DIXDC1: variants seen among roughly 807,000 people sequenced by gnomAD.
The protein encoded by DIXDC1 is dixin.
In DIXDC1, 64 loss-of-function variants were observed where a neutral mutation model predicts 103.1. The observed-to-expected ratio is 0.62, with a 90% CI of 0.51 to 0.76. The LOEUF is 0.76. DIXDC1 is among the 30% of genes least tolerant of loss of function. DIXDC1 has a pLI of 0.00. For missense variants in DIXDC1, 759 were observed against 834.2 expected (o/e 0.91, Z 1.11); for synonymous variants, 266 against 298.5 (o/e 0.89, Z 1.12).
At chr11:111,995,314 T>C in intron 15 of DIXDC1, 89 bp from the exon 16 acceptor site, 1 of 1,537,982 alleles carries the variant, frequency 6.5e-7, no homozygotes. Context: ...GGAAAAATCT[T>C]CTGGAAACTT....
chr11:111,981,789 A>G (rs1335142359), intron 6 of DIXDC1, among the ~76,000 whole-genome samples: 1 of 152,256 alleles, frequency 6.6e-6, no homozygotes, highest in Non-Finnish European at 1.5e-5. Flanking sequence ...CAGAGCAAAG[A>G]GACCTTAAAG....
intron 12 of DIXDC1, 68 bp downstream of exon 12, chr11:111,993,072 C>G: frequency 6.8e-7 from 1 of 1,479,170 alleles, no homozygotes; most frequent in South Asian, 1.3e-5. Context: ...TATTGTTGCT[C>G]AAAAAGCACT....
In DIXDC1 at chr11:111,976,474, T is replaced by G. The variant is rs1307192001; in HGVS notation, c.656+1491T>G. ...TCACTACTGGATTTTGACATTTTCTTCTAATGCTGACCCCTCATCCAGCTC... is the reference window on the plus strand; with the variant it reads ...TCACTACTGGATTTTGACATTTTCTGCTAATGCTGACCCCTCATCCAGCTC... On this transcript the variant is annotated intron_variant, in intron 5 of 19. Coordinates refer to ENST00000440460, the MANE Select transcript of DIXDC1 (RefSeq NM_001037954.4). This position sits in a 1 kb window ranked among gnomAD's most constrained non-coding sequence, Gnocchi z 4.3. 6.6e-6 allele frequency among the ~76,000 whole-genome samples: 1 copy of G among 152,174 alleles called. No individual in the cohort carries two copies. The highest frequency in any genetic ancestry group is 1.5e-5 in the Non-Finnish European group (1 of 68,016).
chr11:111,989,033 C>G lies in DIXDC1; in HGVS notation c.1091C>G (p.Ala364Gly). The G allele has an allele frequency of 1.2e-6, 2 of 1,610,638 alleles. No individual in the cohort carries two copies. Among genetic ancestry groups the G allele is most frequent in the Non-Finnish European group, 8.5e-7 (1 of 1,178,626 alleles). The change falls in exon 10 of 20, where the codon GCC becomes GGC. Residue 364 changes from alanine to glycine, a missense_variant. Physicochemically the swap from Ala to Gly is moderately conservative, Grantham distance 60 (BLOSUM62 0). Coordinates refer to ENST00000440460, the MANE Select transcript of DIXDC1 (RefSeq NM_001037954.4). ...GAACTGCTGAAATGTAAACAAGAAG[C>G]CAGAAACTTACAGGGGATAAAGGTA... ...KKELLKCKQE[A>G]RNLQGIKDAL... is the part of the protein sequence containing the mutation.
Position 112,016,743 on chromosome 11 carries a change from G to A in DIXDC1, c.1809G>A (p.Val603=), listed in dbSNP as rs935620212. 2 of 1,609,340 alleles carry A rather than the reference G, an allele frequency of 1.2e-6. No individual in the cohort carries two copies. Among genetic ancestry groups the A allele is most frequent in the Non-Finnish European group, 1.7e-6 (2 of 1,177,594 alleles). ...CTGTCAGCAGCACCTGTACTAAAGT[G>A]CTCTATTTCACTGACCGGTCACTTA... is the stretch of plus-strand genomic sequence containing the variant. ...SPTVSSTCTK[V]LYFTDRSLTP... Residue 603 remains valine, a synonymous_variant, in exon 18 of 20, where the codon GTG becomes GTA. Coordinates refer to ENST00000440460, the MANE Select transcript of DIXDC1 (RefSeq NM_001037954.4).
chr11:111,949,241 G>A (rs1401397330), intron 1 of DIXDC1, among the ~76,000 whole-genome samples: 1 of 151,954 alleles, frequency 6.6e-6, no homozygotes, highest in Non-Finnish European at 1.5e-5. Context: ...CAGCTCTTGG[G>A]CTCTAGACCT....
chr11:111,936,380 G>T (rs1231804918), upstream of DIXDC1, among the ~76,000 whole-genome samples: 1 of 152,196 alleles, frequency 6.6e-6, no homozygotes, highest in Non-Finnish European at 1.5e-5. Context: ...GCCTAGAATA[G>T]CTTTCTGTTT....
rs1860343477 is a variant in DIXDC1 at position 111,982,485 on chromosome 11, C to T, written c.916C>T (p.Gln306Ter). 1 of 1,612,862 alleles carries T rather than the reference C, an allele frequency of 6.2e-7. No homozygotes were observed. The highest frequency in any genetic ancestry group is 8.5e-7 in the Non-Finnish European group (1 of 1,179,408). The change falls in exon 7 of 20, where the codon CAG (glutamine) becomes TAG (stop). Residue 306 changes from glutamine to a stop codon, truncating the protein, a stop_gained and splice_region_variant. Coordinates refer to ENST00000440460, the MANE Select transcript of DIXDC1 (RefSeq NM_001037954.4). LOFTEE classifies it high-confidence loss of function. ...EEAKKMISGL[Q>*]ALLLNGSLPE... ...AGCAAAGAAAATGATATCAGGACTA[C>T]AGGTAGCTCTCTCCCTTGTAGTTTG... is the stretch of plus-strand genomic sequence containing the variant.
At chr11:111,990,761 C>T (rs1367517439) in intron 10 of DIXDC1, among the ~76,000 whole-genome samples, 1 of 152,074 alleles carries the variant, frequency 6.6e-6, no homozygotes, top group African/African-American at 2.4e-5. Flanking sequence ...AGCTGGAGTG[C>T]AATGGTATGA....
In DIXDC1 at chr11:111,977,652, G is replaced by T. The variant is rs1031706560; in HGVS notation, c.656+2669G>T. The T allele has an allele frequency of 9.2e-5, 142 of 1,546,548 alleles. No homozygotes were observed. Among genetic ancestry groups the T allele is most frequent in the Non-Finnish European group, 1.2e-4 (139 of 1,144,944 alleles). On this transcript the variant is annotated intron_variant, in intron 5 of 19. Coordinates refer to ENST00000440460, the MANE Select transcript of DIXDC1 (RefSeq NM_001037954.4). The surrounding 1 kb of genome is among the most constrained non-coding windows in gnomAD (Gnocchi z 6.1). ...TAGCTTTGCTAGCTGGCCTTCCCGT[G>T]GAGGCGTTTTCCAGCCCCAGCGCGG...
Position 111,998,721 on chromosome 11 carries a change from A to G in DIXDC1, c.1756+2575A>G, listed in dbSNP as rs1255426650. 6.6e-6 allele frequency among the ~76,000 whole-genome samples: 1 copy of G among 152,044 alleles called. No homozygotes were observed. The highest frequency in any genetic ancestry group is 1.5e-5 in the Non-Finnish European group (1 of 68,010). On this transcript the variant is annotated intron_variant, in intron 17 of 19. Coordinates refer to ENST00000440460, the MANE Select transcript of DIXDC1 (RefSeq NM_001037954.4). This position sits in a 1 kb window ranked among gnomAD's most constrained non-coding sequence, Gnocchi z 4.1. ...GCTAATTTTTTGTATTTTAGTAGAG[A>G]CAGGGTTTCACTGTGTTGCCCAGGC... is the stretch of plus-strand genomic sequence containing the variant.
At chr11:111,953,413 G>T (rs1555170273) in intron 1 of DIXDC1, among the ~76,000 whole-genome samples, 1 of 152,286 alleles carries the variant, frequency 6.6e-6, no homozygotes, top group Admixed American at 6.5e-5. Flanking sequence ...GAGGTGGGCG[G>T]ATCACCTGAG....
Position 111,977,152 on chromosome 11 carries a change from A to ACCC in DIXDC1, c.656+2172_656+2174dup. ...CCCCCAACCCCTCGTCGACGTCCCC[A>ACCC]CCCCCACCTCCACCCCGCCCAGCCC... On this transcript the variant is annotated intron_variant, in intron 5 of 19. Transcript: ENST00000440460. The surrounding 1 kb of genome is among the most constrained non-coding windows in gnomAD (Gnocchi z 6.1). 3 of 517,360 alleles carry ACCC rather than the reference A, an allele frequency of 5.8e-6. No homozygotes were observed. Among genetic ancestry groups the ACCC allele is most frequent in the Non-Finnish European group, 7.4e-6 (3 of 405,350 alleles). The allele number at this position is 517,360 out of a possible 1,614,324, so 32.0% of individuals were successfully genotyped here. A position where few individuals can be genotyped will look rare whatever the true frequency, so the allele number is the denominator to read the frequency against.
At chr11:111,938,844 C>T (rs1338548296) in intron 1 of DIXDC1, among the ~76,000 whole-genome samples, 1 of 152,236 alleles carries the variant, frequency 6.6e-6, no homozygotes, top group Admixed American at 6.5e-5. Flanking sequence ...GGTGTCACAA[C>T]CTTCACTGAA....
rs1793649012 is a variant in DIXDC1 at position 112,021,646 on chromosome 11, A to C, written c.*2610A>C. ...TTAAAACAAAATGACCATCTCACAA[A>C]AACGAGTTTAGTTGAATGCTCAATT... On this transcript the variant is annotated 3_prime_UTR_variant, in exon 20 of 20. Transcript: ENST00000440460. The C allele has an allele frequency of 1.3e-5, 2 of 152,230 alleles. No individual in the cohort carries two copies. Among genetic ancestry groups the C allele is most frequent in the African/African-American group, 4.8e-5 (2 of 41,460 alleles). 9.4% of individuals were successfully genotyped at this position (152,230 alleles called of 1,614,324 possible).
At position 111,955,661 on chromosome 11, in the gene DIXDC1, C is replaced by G. The variant is rs975236996; in HGVS notation, c.61-8888C>G. ...GTCAGCCTGGCCAACATGGTGAAAC[C>G]CCATCTCTACTAAAAATACAAAAAT... On this transcript the variant is annotated intron_variant, in intron 1 of 19. Transcript: ENST00000440460. Among the ~76,000 whole-genome samples the G allele has an allele frequency of 6.0e-5, 9 of 151,194 alleles. No individual in the cohort carries two copies. The South Asian group carries it at 1.9e-3, about 32-fold the overall frequency.
intron 1 of DIXDC1, among the ~76,000 whole-genome samples, chr11:111,950,793 T>G (rs997628346): frequency 6.6e-6 from 1 of 152,154 alleles, no homozygotes; most frequent in African/African-American, 2.4e-5. Context: ...TGAGGTATTG[T>G]GATATAGGCT....
intron 17 of DIXDC1, among the ~76,000 whole-genome samples, chr11:112,008,319 C>T (rs1215759275): frequency 6.6e-6 from 1 of 152,034 alleles, no homozygotes; most frequent in Non-Finnish European, 1.5e-5. Flanking sequence ...TAAACCAAGT[C>T]CTTAGAGACC....
intron 10 of DIXDC1, among the ~76,000 whole-genome samples, chr11:111,990,556 T>C (rs1482137781): frequency 6.6e-6 from 1 of 152,234 alleles, no homozygotes; most frequent in Non-Finnish European, 1.5e-5. Context: ...ATAAAGACTT[T>C]CCTAGGTCTT....
Sources: gnomAD v4.1 joint callset for allele counts (sites outside exome capture counted in the v4.1 genomes callset) on GRCh38, gnomAD v4.1.1 for gene constraint, Gnocchi (gnomAD v3.1) non-coding constraint, MANE v1.5 for transcripts, NCBI Gene and HGNC (gene_info 2026-07-23, HGNC 2026-07-21) for gene names.